The following NIM1K variants were observed in gnomAD, a reference collection of about 807,000 sequenced individuals.
NIM1K encodes the protein serine/threonine-protein kinase NIM1.
Under a neutral mutation model 37.1 loss-of-function variants are expected in NIM1K, and 35 were observed. That is an observed-to-expected ratio of 0.94 (90% CI 0.72 to 1.25). The LOEUF is 1.25. Ranked by LOEUF, NIM1K falls within the 50% of genes most tolerant of loss-of-function variation. The probability of loss-of-function intolerance (pLI) is 0.00; values close to 1 mark genes in which losing one functional copy is unlikely to be tolerated. For missense variants in NIM1K, 564 were observed against 548.0 expected (o/e 1.03, Z -0.29); for synonymous variants, 234 against 206.6 (o/e 1.13, Z -1.14).
chr5:43,256,621 C>T (rs1349397708), intron 2 of NIM1K, among the ~76,000 whole-genome samples: 1 of 152,174 alleles, frequency 6.6e-6, no homozygotes, highest in East Asian at 1.9e-4. Context: ...CAGGACTGAC[C>T]TTCAATGGCT....
chr5:43,232,327 G>A (rs780512699), intron 1 of NIM1K: 2 of 1,279,944 alleles, frequency 1.6e-6, no homozygotes, highest in Non-Finnish European at 2.3e-6. Context: ...GCTGTTTCAT[G>A]GTAGGCTTTC....
chr5:43,225,134 T>G (rs1415421655), intron 1 of NIM1K, among the ~76,000 whole-genome samples: 1 of 152,084 alleles, frequency 6.6e-6, no homozygotes, highest in Non-Finnish European at 1.5e-5. Context: ...GTCAGGGTTA[T>G]AGTGGCCAGT....
chr5:43,210,191 G>A (rs1461581649), intron 1 of NIM1K, among the ~76,000 whole-genome samples: 1 of 151,322 alleles, frequency 6.6e-6, no homozygotes, highest in Non-Finnish European at 1.5e-5. Context: ...AGGAAGGGAG[G>A]AGAGGGGAGG....
chr5:43,250,913 C>G (rs76104646), intron 2 of NIM1K, among the ~76,000 whole-genome samples: 1 of 152,136 alleles, frequency 6.6e-6, no homozygotes, highest in African/African-American at 2.4e-5. Flanking sequence ...GGGGACCAGA[C>G]AAATTTATCT....
intron 3 of NIM1K, among the ~76,000 whole-genome samples, chr5:43,279,198 G>A (rs1390882611): frequency 6.6e-6 from 1 of 152,130 alleles, no homozygotes; most frequent in Non-Finnish European, 1.5e-5. Flanking sequence ...CTCATCATAC[G>A]TAGTTAGCGT....
At chr5:43,261,991 A>G (rs1753038058) in intron 2 of NIM1K, among the ~76,000 whole-genome samples, 1 of 152,126 alleles carries the variant, frequency 6.6e-6, no homozygotes, top group African/African-American at 2.4e-5. Context: ...TACCAGTACC[A>G]TGCTGTTTTG....
intron 2 of NIM1K, among the ~76,000 whole-genome samples, chr5:43,257,693 A>C (rs1483324954): frequency 6.6e-6 from 1 of 151,922 alleles, no homozygotes; most frequent in Non-Finnish European, 1.5e-5. Flanking sequence ...AGAGAATGAG[A>C]GAAAGAGGTC....
At chr5:43,272,770 A>G (rs970922557) in intron 2 of NIM1K, among the ~76,000 whole-genome samples, 1 of 152,154 alleles carries the variant, frequency 6.6e-6, no homozygotes, top group Non-Finnish European at 1.5e-5. Context: ...GATTTTGCAT[A>G]AAGTTTCAGA....
chr5:43,240,105 G>A (rs908393327), intron 1 of NIM1K, among the ~76,000 whole-genome samples: 11 of 151,532 alleles, frequency 7.3e-5, no homozygotes, highest in African/African-American at 2.7e-4. Context: ...ACAGAGTCTC[G>A]CTCTGTTGCC....
chr5:43,209,650 G>A (rs192885796), intron 1 of NIM1K, among the ~76,000 whole-genome samples: 77 of 151,532 alleles, frequency 5.1e-4, no homozygotes, highest in Non-Finnish European at 9.3e-4. Context: ...ACAGAGTCTC[G>A]CTCTGTTGCC....
chr5:43,204,248 T>C lies in NIM1K; in HGVS notation c.-695+11837T>C, dbSNP rs547023728. On this transcript the variant is annotated intron_variant, in intron 1 of 3. Transcript: ENST00000326035. ...ACAGGCACGTACCACCACTCCTGGC[T>C]AATTTTTGTATTTTTAGTAGAGATG... is the stretch of plus-strand genomic sequence containing the variant. Among the ~76,000 whole-genome samples, 184 of 150,820 alleles carry C rather than the reference T, an allele frequency of 1.2e-3. 2 individuals carry two copies. The highest frequency in any genetic ancestry group is 4.4e-3 in the African/African-American group (180 of 41,268).
At chr5:43,275,610 T>C (rs1753326081) in intron 2 of NIM1K, among the ~76,000 whole-genome samples, 1 of 152,190 alleles carries the variant, frequency 6.6e-6, no homozygotes, top group Admixed American at 6.5e-5. Flanking sequence ...TACATGACAT[T>C]ACATGCCAGG....
chr5:43,269,854 G>A (rs1164372414), intron 2 of NIM1K, among the ~76,000 whole-genome samples: 3 of 152,038 alleles, frequency 2.0e-5, no homozygotes, highest in African/African-American at 4.8e-5. Flanking sequence ...TCCTGACCTC[G>A]TGATCCACCC....
chr5:43,247,629 C>T (rs559199195), intron 2 of NIM1K, among the ~76,000 whole-genome samples: 1 of 152,332 alleles, frequency 6.6e-6, no homozygotes, highest in African/African-American at 2.4e-5. Flanking sequence ...TAGAGTGGGA[C>T]TGGGCATGGG....
chr5:43,250,429 A>T (rs921639365), intron 2 of NIM1K, among the ~76,000 whole-genome samples: 3 of 152,170 alleles, frequency 2.0e-5, no homozygotes, highest in Non-Finnish European at 4.4e-5. Flanking sequence ...ATTCTTTTCC[A>T]TACTTCTTTG....
chr5:43,277,980 C>A (rs1214337799), intron 3 of NIM1K, among the ~76,000 whole-genome samples: 1 of 151,282 alleles, frequency 6.6e-6, no homozygotes, highest in East Asian at 1.9e-4. Flanking sequence ...TGCCTTCCAC[C>A]CTTCCTTCCT....
chr5:43,280,012 A>G lies in NIM1K; in HGVS notation c.594A>G (p.Lys198=). 1 of 1,612,986 alleles carries G rather than the reference A, an allele frequency of 6.2e-7. No individual in the cohort carries two copies. ...HENQIIHRDL[K]AENVFYTSNT... The stretch of plus-strand genomic sequence containing the variant: ...ACCAAATTATTCATAGAGATCTGAA[A>G]GCAGAAAATGTATTCTATACCAGTA... Residue 198 remains lysine (K), a synonymous_variant, in exon 4 of 4, where the codon AAA becomes AAG. Coordinates refer to ENST00000326035, the MANE Select transcript of NIM1K (RefSeq NM_153361.4).
At chr5:43,236,152 G>A (rs571398701) in intron 1 of NIM1K, among the ~76,000 whole-genome samples, 3 of 152,012 alleles carry the variant, frequency 2.0e-5, no homozygotes, top group Non-Finnish European at 2.9e-5. Context: ...AGTAGTCCCA[G>A]CTACTCAGGA....
intron 1 of NIM1K, among the ~76,000 whole-genome samples, chr5:43,241,604 C>T (rs1006543528): frequency 1.2e-4 from 18 of 151,952 alleles, no homozygotes; most frequent in African/African-American, 3.6e-4. Flanking sequence ...TCCCAAAGTG[C>T]TGGGATTACA....
Sources: allele counts gnomAD v4.1 joint callset (sites outside exome capture counted in the v4.1 genomes callset), GRCh38; gene constraint gnomAD v4.1.1; transcripts MANE v1.5; gene names NCBI Gene and HGNC (gene_info 2026-07-23, HGNC 2026-07-21).